The following KHDRBS2 variants were observed in gnomAD, a reference collection of about 807,000 sequenced individuals.
KHDRBS2 encodes KH RNA binding domain containing, signal transduction associated 2, also known as KH domain-containing, RNA-binding, signal transduction-associated protein 2.
In KHDRBS2, 26 loss-of-function variants were observed where a neutral mutation model predicts 44.3. That is an observed-to-expected ratio of 0.59 (90% CI 0.43 to 0.81). KHDRBS2 has a LOEUF of 0.81. KHDRBS2 is among the 40% of genes least tolerant of loss of function. The pLI, the probability that KHDRBS2 is intolerant of heterozygous loss-of-function variation, is 0.00. For missense variants in KHDRBS2, 476 were observed against 433.1 expected (o/e 1.10, Z -0.88); for synonymous variants, 194 against 151.1 (o/e 1.28, Z -2.08).
rs1188471190 is a variant in KHDRBS2 at position 61,993,650 on chromosome 6, C to CAT, written c.337-15440_337-15439dup. Among the ~76,000 whole-genome samples the CAT allele has an allele frequency of 7.5e-3, 498 of 66,384 alleles. 12 individuals carry two copies. Among genetic ancestry groups the CAT allele is most frequent in the South Asian group, 0.02 (36 of 1,820 alleles). 43.6% of individuals were successfully genotyped at this position (66,384 alleles called of 152,430 possible). On this transcript the variant is annotated intron_variant, in intron 3 of 8. Coordinates refer to ENST00000281156, the MANE Select transcript of KHDRBS2 (RefSeq NM_152688.4). Reference sequence around the variant, plus strand: ...CTCTACTCCTTCAGTCCCATAAAATCATATATATATATATATATATATATT... The same window carrying CAT: ...CTCTACTCCTTCAGTCCCATAAAATCATATATATATATATATATATATATATT...
intron 6 of KHDRBS2, among the ~76,000 whole-genome samples, chr6:61,808,194 T>C (rs1312367215): frequency 2.6e-5 from 4 of 152,036 alleles, no homozygotes; most frequent in Admixed American, 1.3e-4. Flanking sequence ...TACTAGTAGT[T>C]TAAATCTATG....
At chr6:61,602,725 C>T in the KHDRBS2 span, among the ~76,000 whole-genome samples, 5 of 152,156 alleles carry the variant, frequency 3.3e-5, no homozygotes, top group Non-Finnish European at 7.3e-5. Context: ...GGCCTGTTTC[C>T]TTTGCCTCCA....
intron 4 of KHDRBS2, among the ~76,000 whole-genome samples, chr6:61,952,451 C>T (rs1239961905): frequency 6.6e-6 from 1 of 152,040 alleles, no homozygotes; most frequent in Non-Finnish European, 1.5e-5. Context: ...TAGAACTTTT[C>T]ACTGAGTGCA....
chr6:62,182,714 T>C (rs1249132537), intron 1 of KHDRBS2, among the ~76,000 whole-genome samples: 1 of 151,928 alleles, frequency 6.6e-6, no homozygotes. Flanking sequence ...AAATAGGAGA[T>C]GCAATTGCGT....
At chr6:62,134,754 C>T (rs1261611990) in intron 2 of KHDRBS2, among the ~76,000 whole-genome samples, 1 of 152,120 alleles carries the variant, frequency 6.6e-6, no homozygotes, top group African/African-American at 2.4e-5. Context: ...GACATGTAGT[C>T]AAAGGAGATA....
chr6:62,065,261 G>A (rs1448894018), intron 2 of KHDRBS2, among the ~76,000 whole-genome samples: 1 of 152,134 alleles, frequency 6.6e-6, no homozygotes, highest in Non-Finnish European at 1.5e-5. Context: ...AATACCATTT[G>A]ACCCAGCCAT....
intron 4 of KHDRBS2, among the ~76,000 whole-genome samples, chr6:61,948,171 A>G (rs1460463855): frequency 6.6e-6 from 1 of 152,014 alleles, no homozygotes; most frequent in Non-Finnish European, 1.5e-5. Context: ...GACAATAAGA[A>G]ATAGAAATTA....
the KHDRBS2 span, among the ~76,000 whole-genome samples, chr6:61,585,761 C>T: frequency 6.6e-6 from 1 of 152,044 alleles, no homozygotes; most frequent in African/African-American, 2.4e-5. Flanking sequence ...AGTCATCTTA[C>T]CTCACATAGT....
chr6:61,896,765 C>A (rs541283581), intron 5 of KHDRBS2, among the ~76,000 whole-genome samples: 8 of 152,240 alleles, frequency 5.3e-5, no homozygotes, highest in African/African-American at 1.7e-4. Context: ...CTAGTTCTTG[C>A]TTTCACCCCT....
chr6:62,266,304 T>C (rs940868426), intron 1 of KHDRBS2, among the ~76,000 whole-genome samples: 3 of 152,074 alleles, frequency 2.0e-5, no homozygotes, highest in South Asian at 4.1e-4. Flanking sequence ...CCTATATATT[T>C]CTTGCTTGAG....
intron 2 of KHDRBS2, among the ~76,000 whole-genome samples, chr6:62,140,490 A>G (rs1356025397): frequency 6.6e-6 from 1 of 152,236 alleles, no homozygotes; most frequent in Non-Finnish European, 1.5e-5. Context: ...GGTTATCAAA[A>G]TGAACCCAGT....
intron 6 of KHDRBS2, among the ~76,000 whole-genome samples, chr6:61,768,799 G>A (rs897310593): frequency 4.6e-5 from 7 of 151,980 alleles, no homozygotes; most frequent in East Asian, 3.9e-4. Flanking sequence ...AAGGAACTCC[G>A]ATCATTTACC....
At chr6:62,008,779 T>A (rs1779753439) in intron 3 of KHDRBS2, among the ~76,000 whole-genome samples, 1 of 152,150 alleles carries the variant, frequency 6.6e-6, no homozygotes, top group South Asian at 2.1e-4. Flanking sequence ...CTGCACAAGT[T>A]CTCTCTTTGC....
At chr6:62,066,099 C>A (rs1584476334) in intron 2 of KHDRBS2, among the ~76,000 whole-genome samples, 1 of 151,644 alleles carries the variant, frequency 6.6e-6, no homozygotes, top group East Asian at 2.0e-4. Context: ...ATTCTTCAAG[C>A]TCAAGTTTTT....
chr6:61,851,053 G>A (rs1340303045), intron 6 of KHDRBS2, among the ~76,000 whole-genome samples: 1 of 152,010 alleles, frequency 6.6e-6, no homozygotes. Context: ...CTGAACTGTA[G>A]CAGCAGCCTC....
intron 2 of KHDRBS2, among the ~76,000 whole-genome samples, chr6:62,168,434 T>A (rs548022190): frequency 6.6e-5 from 10 of 152,102 alleles, no homozygotes; most frequent in Non-Finnish European, 1.2e-4. Flanking sequence ...AAGCAACAAG[T>A]AGATACCCTC....
chr6:62,055,870 T>C (rs1251538458), intron 2 of KHDRBS2, among the ~76,000 whole-genome samples: 2 of 152,056 alleles, frequency 1.3e-5, no homozygotes, highest in East Asian at 1.9e-4. Flanking sequence ...CTGACTTCTA[T>C]GTGAGTGCTC....
intron 4 of KHDRBS2, among the ~76,000 whole-genome samples, chr6:61,947,782 G>A (rs1349619495): frequency 6.6e-6 from 1 of 151,860 alleles, no homozygotes; most frequent in Non-Finnish European, 1.5e-5. Flanking sequence ...GAGTCATAAT[G>A]TGAAATGCAT....
intron 6 of KHDRBS2, among the ~76,000 whole-genome samples, chr6:61,842,510 G>T (rs1793736955): frequency 1.3e-5 from 2 of 152,242 alleles, no homozygotes; most frequent in South Asian, 4.1e-4. Flanking sequence ...TATCTAAAAA[G>T]CTGAAAAGGC....
Sources: allele counts gnomAD v4.1 joint callset (sites outside exome capture counted in the v4.1 genomes callset), GRCh38; gene constraint gnomAD v4.1.1; transcripts MANE v1.5; gene names NCBI Gene and HGNC (gene_info 2026-07-23, HGNC 2026-07-21).